CYP2U1: variants seen among roughly 807,000 people sequenced by gnomAD.
The protein encoded by CYP2U1 is cytochrome P450 family 2 subfamily U member 1.
CYP2U1 carries 28 observed loss-of-function variants against 42.8 expected under a neutral mutation model. The ratio of observed to expected loss-of-function variants is 0.65; its 90% confidence interval spans 0.48 to 0.90. The LOEUF is 0.90. Ranked by LOEUF, CYP2U1 falls within the 40% of genes least tolerant of loss-of-function variation. CYP2U1 has a pLI of 0.00. For missense variants in CYP2U1, 642 were observed against 693.8 expected (o/e 0.93, Z 0.84); for synonymous variants, 296 against 278.9 (o/e 1.06, Z -0.61).
chr4:107,949,639 C>A, intron 4 of CYP2U1, 122 bp downstream of exon 4: 1 of 893,500 alleles, frequency 1.1e-6, no homozygotes, highest in Non-Finnish European at 1.6e-6. Context: ...GAGAAGGGAT[C>A]AATAATTTAG....
At chr4:107,947,280 A>T in intron 2 of CYP2U1, 96 bp from the exon 3 acceptor site, 1 of 1,053,906 alleles carries the variant, frequency 9.5e-7, no homozygotes, top group South Asian at 1.5e-5. Flanking sequence ...CCAACTGACC[A>T]GTTATGCATT....
chr4:107,948,261 CAAAAA>C (rs35791632), intron 3 of CYP2U1, among the ~76,000 whole-genome samples: 3 of 95,404 alleles, frequency 3.1e-5, no homozygotes, highest in Non-Finnish European at 4.1e-5. Flanking sequence ...GCCTCTGTCT[CAAAAA>C]AAAAAAAAAA....
At chr4:107,947,224 C>A in intron 2 of CYP2U1, 152 bp from the exon 3 acceptor site, 1 of 666,982 alleles carries the variant, frequency 1.5e-6, no homozygotes, top group Non-Finnish European at 2.6e-6. Flanking sequence ...CCTGAAATGT[C>A]TGACCAATGC....
rs1732970813 is a variant in CYP2U1, at chr4:107,931,608, C to G, written c.-36C>G. 6.4e-6 allele frequency: 8 copies of G among 1,248,546 alleles called. No homozygotes were observed. The highest frequency in any genetic ancestry group is 8.0e-6 in the Non-Finnish European group (8 of 999,754). The allele number at this position is 1,248,546 out of a possible 1,614,324, so 77.3% of individuals were successfully genotyped here. ...CAGCTGCGTGCGCGTCTCCTCCAGG[C>G]AGCAAGGGGAACCCGAGGCCGCCGG... On this transcript the variant is annotated 5_prime_UTR_variant, in exon 1 of 5. Coordinates refer to ENST00000332884, the MANE Select transcript of CYP2U1 (RefSeq NM_183075.3).
chr4:107,933,223 T>C (rs1345023121), intron 1 of CYP2U1, among the ~76,000 whole-genome samples: 1 of 152,220 alleles, frequency 6.6e-6, no homozygotes, highest in Non-Finnish European at 1.5e-5. Flanking sequence ...GTCTCAGTTT[T>C]GCAAGATGAA....
chr4:107,949,442 G>C lies in CYP2U1; in HGVS notation c.1381G>C (p.Asp461His), dbSNP rs1268043713. 2 of 1,611,396 alleles carry C rather than the reference G, an allele frequency of 1.2e-6. No individual in the cohort carries two copies. The highest frequency in any genetic ancestry group is 3.3e-5 in the Admixed American group (2 of 59,854). The change falls in exon 4 of 5, where the codon GAT (aspartate) becomes CAT (histidine). Residue 461 changes from aspartate (D) to histidine (H), a missense_variant. Physicochemically the swap from Asp to His is moderately conservative, Grantham distance 81 (BLOSUM62 -1). Coordinates refer to ENST00000332884, the MANE Select transcript of CYP2U1 (RefSeq NM_183075.3). ...RDPAIWEKPE[D>H]FYPNRFLDDQ... ...CCCAGCCATTTGGGAGAAACCGGAGGATTTCTACCCTAATCGATTTCTGGA... is the reference window on the plus strand; with the variant it reads ...CCCAGCCATTTGGGAGAAACCGGAGCATTTCTACCCTAATCGATTTCTGGA...
At chr4:107,949,322 A>G in intron 3 of CYP2U1, 28 bp from the exon 4 acceptor site, 3 of 1,453,154 alleles carry the variant, frequency 2.1e-6, no homozygotes, top group Non-Finnish European at 2.7e-6. Context: ...CATACTGAAT[A>G]ACACCCATAT....
At chr4:107,936,911 A>T (rs1462969341) in intron 1 of CYP2U1, among the ~76,000 whole-genome samples, 1 of 152,224 alleles carries the variant, frequency 6.6e-6, no homozygotes, top group Non-Finnish European at 1.5e-5. Context: ...AGAATGAATA[A>T]AATGGTATCA....
intron 1 of CYP2U1, chr4:107,936,270 G>C (rs890789504): frequency 6.6e-6 from 1 of 152,196 alleles, no homozygotes; most frequent in African/African-American, 2.4e-5. Flanking sequence ...ATGGTTTGAA[G>C]GTGTCCCCAA....
chr4:107,933,809 ATACAG>A (rs1479515770), intron 1 of CYP2U1, among the ~76,000 whole-genome samples: 1 of 152,226 alleles, frequency 6.6e-6, no homozygotes, highest in Non-Finnish European at 1.5e-5. Context: ...AATAGTTGTT[ATACAG>A]TATTGTTTAA....
rs1226565056 is a variant in CYP2U1 at position 107,950,528 on chromosome 4, C to T, written c.*105C>T. 1.4e-5 allele frequency: 17 copies of T among 1,252,344 alleles called. No homozygotes were observed. Among genetic ancestry groups the T allele is most frequent in the Non-Finnish European group, 1.8e-5 (17 of 933,650 alleles). 77.6% of individuals were successfully genotyped at this position (1,252,344 alleles called of 1,614,324 possible). ...AGTGAATCCAGCAACTCAGTGGATC[C>T]AAGCTGGGCTCAGAGGTCGGAAGGA... On this transcript the variant is annotated 3_prime_UTR_variant, in exon 5 of 5. Transcript: ENST00000332884.
rs1369677440 is a variant in CYP2U1, at chr4:107,951,085, ACT to A, written c.*665_*666del. The A allele has an allele frequency of 6.6e-6, 1 of 152,148 alleles. No individual in the cohort carries two copies. The highest frequency in any genetic ancestry group is 2.4e-5 in the African/African-American group (1 of 41,418). The allele number at this position is 152,148 out of a possible 1,614,324, so 9.4% of individuals were successfully genotyped here. On this transcript the variant is annotated 3_prime_UTR_variant, in exon 5 of 5. Transcript: ENST00000332884. ...TTTTTGTAGATGTGGGATGAAGTGG[ACT>A]CTGTCGTGTATATTGAGGAAAAAAG...
chr4:107,931,985 C>T lies in CYP2U1; in HGVS notation c.342C>T (p.Tyr114=), dbSNP rs1021034246. The T allele has an allele frequency of 6.4e-7, 1 of 1,553,364 alleles. No individual in the cohort carries two copies. The highest frequency in any genetic ancestry group is 8.7e-7 in the Non-Finnish European group (1 of 1,148,154). ...QVLLAHLARV[Y]GSIFSFFIGH... ...TCCTGGCTCACCTAGCCCGCGTGTACGGCAGCATCTTCAGCTTCTTTATCG... is the reference window on the plus strand; with the variant it reads ...TCCTGGCTCACCTAGCCCGCGTGTATGGCAGCATCTTCAGCTTCTTTATCG... Residue 114 remains tyrosine, a synonymous_variant, in exon 1 of 5, where the codon TAC becomes TAT. Transcript: ENST00000332884.
At position 107,951,995 on chromosome 4, in the gene CYP2U1, C is replaced by T. The variant is rs1489984328; in HGVS notation, c.*1572C>T. On this transcript the variant is annotated 3_prime_UTR_variant, in exon 5 of 5. Transcript: ENST00000332884. ...CTTCTTGATTCTGCCACCACTTGAT[C>T]CCATAACAGGCTACCCCTTGGCCTC... 1 of 152,190 alleles carries T rather than the reference C, an allele frequency of 6.6e-6. No individual in the cohort carries two copies. Among genetic ancestry groups the T allele is most frequent in the African/African-American group, 2.4e-5 (1 of 41,448 alleles). 9.4% of individuals were successfully genotyped at this position (152,190 alleles called of 1,614,324 possible).
At chr4:107,934,466 T>G (rs759655426) in intron 1 of CYP2U1, among the ~76,000 whole-genome samples, 2 of 152,212 alleles carry the variant, frequency 1.3e-5, no homozygotes, top group Non-Finnish European at 2.9e-5. Context: ...CTACCATCAT[T>G]TCTAAGCTGA....
intron 1 of CYP2U1, among the ~76,000 whole-genome samples, chr4:107,932,353 C>T (rs1733041587): frequency 6.6e-6 from 1 of 152,148 alleles, no homozygotes; most frequent in Admixed American, 6.5e-5. Context: ...GCTCATACTC[C>T]AAGATCATAA....
chr4:107,931,808 G>T lies in CYP2U1; in HGVS notation c.165G>T (p.Arg55=), dbSNP rs1578706726. The change falls in exon 1 of 5, where the codon CGG becomes CGT. Residue 55 remains arginine, a synonymous_variant. Transcript: ENST00000332884. ...LLGWSWLRRR[R]ARGIPPGPTP... The stretch of plus-strand genomic sequence containing the variant: ...GCTGGAGCTGGCTGCGGAGGCGCCG[G>T]GCGCGGGGCATCCCGCCCGGGCCCA... 6.6e-7 allele frequency: 1 copy of T among 1,518,190 alleles called. No homozygotes were observed. Among genetic ancestry groups the T allele is most frequent in the Non-Finnish European group, 8.8e-7 (1 of 1,133,398 alleles). The allele number at this position is 1,518,190 out of a possible 1,614,324, so 94.0% of individuals were successfully genotyped here.
chr4:107,945,664 G>T (rs1233619474), intron 2 of CYP2U1, 59 bp downstream of exon 2: 13 of 1,511,954 alleles, frequency 8.6e-6, no homozygotes, highest in Non-Finnish European at 1.1e-5. Context: ...ATGAGGATTA[G>T]CAACCTCAGT....
rs979798894 is a variant in CYP2U1 at position 107,950,557 on chromosome 4, T to C, written c.*134T>C. 9 of 862,078 alleles carry C rather than the reference T, an allele frequency of 1.0e-5. No homozygotes were observed. Among genetic ancestry groups the C allele is most frequent in the African/African-American group, 8.5e-5 (5 of 58,706 alleles). The allele number at this position is 862,078 out of a possible 1,614,324, so 53.4% of individuals were successfully genotyped here. ...CTGGGCTCAGAGGTCGGAAGGAGGG[T>C]AGAGCACACTGGGAGGTTTCATCTT... On this transcript the variant is annotated 3_prime_UTR_variant, in exon 5 of 5. Coordinates refer to ENST00000332884, the MANE Select transcript of CYP2U1 (RefSeq NM_183075.3).
Sources: allele counts gnomAD v4.1 joint callset (sites outside exome capture counted in the v4.1 genomes callset), GRCh38; gene constraint gnomAD v4.1.1; transcripts MANE v1.5; gene names NCBI Gene and HGNC (gene_info 2026-07-23, HGNC 2026-07-21).